NRG1: variants seen among roughly 807,000 people sequenced by gnomAD.
The protein encoded by NRG1 is neuregulin 1, also known as pro-neuregulin-1, membrane-bound isoform.
Under a neutral mutation model 63.8 loss-of-function variants are expected in NRG1, and 18 were observed. That is an observed-to-expected ratio of 0.28 (90% CI 0.19 to 0.42). The LOEUF is 0.42. Among genes scored for constraint, NRG1 ranks in the 10% least tolerant of loss-of-function variants. The pLI is 1.00. For synonymous variants in NRG1, 302 were observed against 301.3 expected (o/e 1.00, Z -0.02); for missense variants, 762 against 814.7 (o/e 0.94, Z 0.79).
intron 5 of NRG1, among the ~76,000 whole-genome samples, chr8:32,702,566 C>A (rs1815207652): frequency 6.6e-6 from 1 of 152,042 alleles, no homozygotes; most frequent in Non-Finnish European, 1.5e-5. Context: ...GGCTAACTAC[C>A]ACCTCCTCCT....
chr8:31,803,418 C>G (rs1202116718), intron 1 of NRG1, among the ~76,000 whole-genome samples: 1 of 152,204 alleles, frequency 6.6e-6, no homozygotes, highest in Non-Finnish European at 1.5e-5. Context: ...CACCTTCCTA[C>G]TCAGTTGCAC....
At chr8:32,494,217 AAAGT>A (rs1381377013) in intron 1 of NRG1, among the ~76,000 whole-genome samples, 1 of 152,202 alleles carries the variant, frequency 6.6e-6, no homozygotes, top group African/African-American at 2.4e-5. Flanking sequence ...TCTGATGATA[AAAGT>A]AATACATGTT....
intron 6 of NRG1, among the ~76,000 whole-genome samples, chr8:32,739,761 T>C (rs959620842): frequency 6.6e-6 from 1 of 152,202 alleles, no homozygotes; most frequent in Non-Finnish European, 1.5e-5. Flanking sequence ...ATTTAATGAT[T>C]CTTACTAACG....
At chr8:32,211,261 C>A (rs1318833371) in intron 1 of NRG1, among the ~76,000 whole-genome samples, 1 of 152,002 alleles carries the variant, frequency 6.6e-6, no homozygotes, top group Non-Finnish European at 1.5e-5. Context: ...TTATTTTTTT[C>A]ACAGAATGCA....
intron 1 of NRG1, among the ~76,000 whole-genome samples, chr8:32,559,849 A>T (rs1042791321): frequency 2.0e-5 from 3 of 151,092 alleles, no homozygotes; most frequent in African/African-American, 7.3e-5. Context: ...TACAAAAAAA[A>T]AAAAGAAAGA....
In NRG1 at chr8:32,169,584, G is replaced by A. The variant is rs538717521; in HGVS notation, c.38-426244G>A. 5.3e-5 allele frequency among the ~76,000 whole-genome samples: 8 copies of A among 152,230 alleles called. No individual in the cohort carries two copies. The South Asian group carries it at 6.2e-4, about 12-fold the overall frequency. On this transcript the variant is annotated intron_variant, in intron 1 of 10. Transcript: ENST00000519301. ...AGAAAGTGGCTGAAATTGAAGGATC[G>A]GTTGTGGTTAGTAAATATGGAGGAT...
At chr8:32,054,534 T>TA (rs1329535780) in intron 1 of NRG1, among the ~76,000 whole-genome samples, 1 of 152,216 alleles carries the variant, frequency 6.6e-6, no homozygotes, top group Non-Finnish European at 1.5e-5. Flanking sequence ...GTGTTATTGT[T>TA]AAAGCATTTA....
intron 1 of NRG1, among the ~76,000 whole-genome samples, chr8:31,706,352 AGAGTT>A (rs1204087323): frequency 2.6e-5 from 4 of 152,030 alleles, no homozygotes; most frequent in African/African-American, 7.2e-5. Context: ...AACATAATAT[AGAGTT>A]ATTTCCATAT....
At chr8:31,955,372 T>C (rs1804196587) in intron 1 of NRG1, among the ~76,000 whole-genome samples, 1 of 152,210 alleles carries the variant, frequency 6.6e-6, no homozygotes, top group African/African-American at 2.4e-5. Context: ...TCATGCTTCA[T>C]TTGAGAAGCT....
At chr8:32,272,448 G>A (rs1249859113) in intron 1 of NRG1, among the ~76,000 whole-genome samples, 4 of 152,280 alleles carry the variant, frequency 2.6e-5, no homozygotes, top group East Asian at 3.9e-4. Context: ...GTAGAAGGGC[G>A]GGAGGTGGAC....
chr8:31,927,606 G>A (rs1435366976), intron 1 of NRG1, among the ~76,000 whole-genome samples: 12 of 149,522 alleles, frequency 8.0e-5, no homozygotes, highest in Non-Finnish European at 1.0e-4. Context: ...CCGCCACTAC[G>A]CCCGGCTAAT....
chr8:32,016,124 G>A (rs1424334043), intron 1 of NRG1, among the ~76,000 whole-genome samples: 1 of 152,172 alleles, frequency 6.6e-6, no homozygotes, highest in Non-Finnish European at 1.5e-5. Flanking sequence ...CAGATGTCCA[G>A]TGATGGAGGT....
At chr8:32,331,288 G>A (rs1441526348) in intron 1 of NRG1, among the ~76,000 whole-genome samples, 4 of 150,072 alleles carry the variant, frequency 2.7e-5, no homozygotes, top group Non-Finnish European at 4.4e-5. Context: ...CAGCACTTTG[G>A]AAGGCTGAAC....
rs1042920957 is a variant in NRG1, at chr8:31,749,880, A to T, written c.37+110449A>T. Among the ~76,000 whole-genome samples, 5 of 151,460 alleles carry T rather than the reference A, an allele frequency of 3.3e-5. No individual in the cohort carries two copies. The South Asian group carries it at 1.0e-3, about 32-fold the overall frequency. On this transcript the variant is annotated intron_variant, in intron 1 of 10. Transcript: ENST00000519301. ...TAAAATCTGTTTGTTTATTTTTTTTATTTTTGGAAGCCAAGCCAGCAGTTG... is the reference window on the plus strand; with the variant it reads ...TAAAATCTGTTTGTTTATTTTTTTTTTTTTTGGAAGCCAAGCCAGCAGTTG...
At chr8:31,690,598 G>A (rs1474587220) in intron 1 of NRG1, among the ~76,000 whole-genome samples, 1 of 152,188 alleles carries the variant, frequency 6.6e-6, no homozygotes, top group Admixed American at 6.5e-5. Flanking sequence ...TTTTTCTGGT[G>A]TGGATCAGGG....
chr8:31,935,381 C>T (rs1353786464), intron 1 of NRG1, among the ~76,000 whole-genome samples: 1 of 152,040 alleles, frequency 6.6e-6, no homozygotes, highest in African/African-American at 2.4e-5. Flanking sequence ...CCTCAGCCTC[C>T]CAAAGTACTA....
intron 1 of NRG1, among the ~76,000 whole-genome samples, chr8:31,795,497 C>T (rs1035512871): frequency 4.6e-5 from 7 of 152,138 alleles, no homozygotes; most frequent in Admixed American, 4.6e-4. Context: ...GAGCTATCCA[C>T]GGTACTGAAC....
intron 1 of NRG1, among the ~76,000 whole-genome samples, chr8:32,119,770 G>A (rs1053980380): frequency 2.0e-5 from 3 of 151,920 alleles, no homozygotes; most frequent in Admixed American, 2.0e-4. Context: ...CTGAATTCTA[G>A]AATAATTTTG....
chr8:32,296,460 A>T (rs1854882883), intron 1 of NRG1, among the ~76,000 whole-genome samples: 1 of 152,012 alleles, frequency 6.6e-6, no homozygotes, highest in Admixed American at 6.5e-5. Context: ...CTGAAAATAC[A>T]AAAATTAGCT....
Sources: allele counts gnomAD v4.1 joint callset (sites outside exome capture counted in the v4.1 genomes callset), GRCh38; gene constraint gnomAD v4.1.1; transcripts MANE v1.5; gene names NCBI Gene and HGNC (gene_info 2026-07-23, HGNC 2026-07-21).